Variants in TWF1 observed in about 807,000 individuals in gnomAD.
TWF1 encodes twinfilin-1.
TWF1 carries 14 observed loss-of-function variants against 47.9 expected under a neutral mutation model. The observed-to-expected ratio is 0.29, with a 90% CI of 0.19 to 0.46. TWF1 has a LOEUF of 0.46. TWF1 is among the 20% of genes least tolerant of loss of function. TWF1 has a pLI of 1.00. For missense variants in TWF1, 281 were observed against 409.3 expected, an observed-to-expected ratio of 0.69 and a Z score of 2.70; for synonymous variants, 96 against 139.2, an observed-to-expected ratio of 0.69 and a Z score of 2.18.
intron 2 of TWF1, among the ~76,000 whole-genome samples, chr12:43,803,700 A>G (rs892163459): frequency 3.3e-5 from 5 of 152,216 alleles, no homozygotes; most frequent in African/African-American, 1.2e-4. Context: ...ATATACATAT[A>G]TTCCTATTGA....
chr12:43,801,273 GA>G (rs1326506442), intron 3 of TWF1, among the ~76,000 whole-genome samples: 11 of 150,676 alleles, frequency 7.3e-5, no homozygotes, highest in Admixed American at 3.3e-4. Flanking sequence ...CACAAAGATG[GA>G]AAAAAAAATT....
chr12:43,803,694 A>G (rs7955112), intron 2 of TWF1, among the ~76,000 whole-genome samples: 62,816 of 151,904 alleles, frequency 0.41, 13,565 homozygotes, highest in East Asian at 0.59. Context: ...TTTACAATAT[A>G]CATATATTCC....
chr12:43,805,766 C>T, intron 1 of TWF1: 1 of 1,343,180 alleles, frequency 7.4e-7, no homozygotes, highest in African/African-American at 1.5e-5. Context: ...AAGATTCTGG[C>T]ATGGTTCTTT....
Position 43,794,179 on chromosome 12 carries a change from C to A in TWF1, c.*1406G>T, listed in dbSNP as rs974651256. 4 of 152,550 alleles carry A rather than the reference C, an allele frequency of 2.6e-5. No individual in the cohort carries two copies. Among genetic ancestry groups the A allele is most frequent in the African/African-American group, 9.7e-5 (4 of 41,426 alleles). 9.4% of individuals were successfully genotyped at this position (152,550 alleles called of 1,614,324 possible). A position where few individuals can be genotyped will look rare whatever the true frequency, so the allele number is the denominator to read the frequency against. On this transcript the variant is annotated 3_prime_UTR_variant, in exon 9 of 9. Transcript: ENST00000395510. ...TCTGTCTACGTGTACACCCATGGAA[C>A]AACTTATATCTTTAGTAAACAAGTG... is the stretch of plus-strand genomic sequence containing the variant.
intron 1 of TWF1, 88 bp from the exon 2 acceptor site, chr12:43,804,660 A>C: frequency 2.3e-6 from 2 of 884,300 alleles, no homozygotes; most frequent in Non-Finnish European, 3.5e-6. Context: ...TAGAATACAA[A>C]GAAAAAATCT....
In TWF1 at chr12:43,795,541, T is replaced by C; in HGVS notation, c.*44A>G. On this transcript the variant is annotated 3_prime_UTR_variant, in exon 9 of 9. Coordinates refer to ENST00000395510, the MANE Select transcript of TWF1 (RefSeq NM_002822.5). ...ATTTCAGTTCTCCTGTACTAAAAGC[T>C]GGACTTTTAAAAAACTAGTATTACA... 6.4e-7 allele frequency: 1 copy of C among 1,572,188 alleles called. No homozygotes were observed. The highest frequency in any genetic ancestry group is 1.1e-5 in the South Asian group (1 of 87,624).
chr12:43,805,202 T>G (rs1487897622), intron 1 of TWF1, among the ~76,000 whole-genome samples: 1 of 152,230 alleles, frequency 6.6e-6, no homozygotes, highest in African/African-American at 2.4e-5. Context: ...TGTTGTCTAT[T>G]AGCAGCAAGA....
chr12:43,800,368 A>C, intron 4 of TWF1, 67 bp downstream of exon 4: 1 of 1,145,712 alleles, frequency 8.7e-7, no homozygotes, highest in South Asian at 1.4e-5. Flanking sequence ...TCAATTACCC[A>C]TTACCTAGGA....
intron 5 of TWF1, 55 bp downstream of exon 5, chr12:43,799,343 A>C: frequency 1.7e-6 from 2 of 1,166,054 alleles, no homozygotes; most frequent in Non-Finnish European, 2.5e-6. Flanking sequence ...TTAATTAAAA[A>C]TACAGTATTT....
chr12:43,806,312 GA>G lies in TWF1; in HGVS notation c.-68del. ...CAGCGGCCCCGGCCGGCGGCCCCAG[GA>G]AGTGGCTGCTCCTCCGCCGGCCCCG... On this transcript the variant is annotated 5_prime_UTR_variant, in exon 1 of 9. Transcript: ENST00000395510. The G allele has an allele frequency of 1.4e-6, 2 of 1,412,682 alleles. No homozygotes were observed. Among genetic ancestry groups the G allele is most frequent in the Non-Finnish European group, 1.8e-6 (2 of 1,084,064 alleles). The allele number at this position is 1,412,682 out of a possible 1,614,324, so 87.5% of individuals were successfully genotyped here. A position where few individuals can be genotyped will look rare whatever the true frequency, so the allele number is the denominator to read the frequency against.
intron 3 of TWF1, 114 bp downstream of exon 3, chr12:43,802,165 CCTCATGA>C: frequency 3.4e-6 from 2 of 588,610 alleles, no homozygotes; most frequent in Non-Finnish European, 5.5e-6. Flanking sequence ...CAAGGATTTT[CCTCATGA>C]TCATTCCCTT....
chr12:43,796,162 T>C lies in TWF1; in HGVS notation c.883-407A>G, dbSNP rs1001097825. On this transcript the variant is annotated intron_variant, in intron 8 of 8. Transcript: ENST00000395510. ...AAATCTTGCCCAAGGTAAGATTGTT[T>C]TACATTTTTTAAGGGTTGTTAAACA... is the stretch of plus-strand genomic sequence containing the variant. Among the ~76,000 whole-genome samples, 8 of 152,298 alleles carry C rather than the reference T, an allele frequency of 5.3e-5. No homozygotes were observed. The East Asian group carries it at 1.5e-3, about 29-fold the overall frequency.
intron 1 of TWF1, 52 bp from the exon 2 acceptor site, chr12:43,804,624 T>C: frequency 7.9e-7 from 1 of 1,260,234 alleles, no homozygotes; most frequent in South Asian, 1.4e-5. Context: ...TATAAATACT[T>C]TCCTATCTAT....
chr12:43,804,252 A>G, intron 2 of TWF1: 2 of 507,298 alleles, frequency 3.9e-6, no homozygotes, highest in Non-Finnish European at 7.5e-6. Context: ...TGAGACACAA[A>G]AAGTAAAAGA....
At chr12:43,805,678 C>A (rs765019993) in intron 1 of TWF1, 50 of 761,284 alleles carry the variant, frequency 6.6e-5, no homozygotes, top group Non-Finnish European at 3.2e-5. Context: ...CTCGAGATTT[C>A]TCAGAACATA....
At position 43,797,025 on chromosome 12, in the gene TWF1, C is replaced by T. The variant is rs201203866; in HGVS notation, c.833G>A (p.Arg278His). 9.2e-5 allele frequency: 148 copies of T among 1,611,374 alleles called. No individual in the cohort carries two copies. The highest frequency in any genetic ancestry group is 3.1e-4 in the East Asian group (14 of 44,852). The stretch of plus-strand genomic sequence containing the variant: ...TTGTCTTTCTACAATTTCTAGCAGA[C>T]GGCTCTTGCAGCTAGAATACAGCAT... Reference protein sequence around the residue: ...ERMLYSSCKSRLLEIVERQLQ... With the variant: ...ERMLYSSCKSHLLEIVERQLQ... Residue 278 changes from arginine to histidine, a missense_variant, in exon 8 of 9, where the codon CGT (arginine) becomes CAT (histidine). Coordinates refer to ENST00000395510, the MANE Select transcript of TWF1 (RefSeq NM_002822.5).
rs934970361 is a variant in TWF1, at chr12:43,795,214, T to C, written c.*371A>G. ...CCTGGTCCTTAACATATTCATTAAG[T>C]AATATGAATATTTTAAGGTCTTTCT... On this transcript the variant is annotated 3_prime_UTR_variant, in exon 9 of 9. Coordinates refer to ENST00000395510, the MANE Select transcript of TWF1 (RefSeq NM_002822.5). 6.0e-6 allele frequency: 1 copy of C among 167,230 alleles called. No individual in the cohort carries two copies. Among genetic ancestry groups the C allele is most frequent in the Non-Finnish European group, 1.3e-5 (1 of 76,940 alleles). The allele number at this position is 167,230 out of a possible 1,614,324, so 10.4% of individuals were successfully genotyped here. A position where few individuals can be genotyped will look rare whatever the true frequency, so the allele number is the denominator to read the frequency against.
intron 1 of TWF1, chr12:43,805,927 C>A (rs758636280): frequency 3.3e-6 from 5 of 1,517,058 alleles, no homozygotes; most frequent in Non-Finnish European, 4.4e-6. Context: ...CTGTCGGGGA[C>A]GGTGGAAGGC....
Position 43,794,148 on chromosome 12 carries a change from T to G in TWF1, c.*1437A>C, listed in dbSNP as rs1445463676. ...TTCTTAATGCAATAATTTGGGTGTATGTGTGTCTGTCTACGTGTACACCCA... is the reference window on the plus strand; with the variant it reads ...TTCTTAATGCAATAATTTGGGTGTAGGTGTGTCTGTCTACGTGTACACCCA... On this transcript the variant is annotated 3_prime_UTR_variant, in exon 9 of 9. Transcript: ENST00000395510. The G allele has an allele frequency of 2.0e-5, 3 of 152,640 alleles. No individual in the cohort carries two copies. The East Asian group carries it at 5.8e-4, about 29-fold the overall frequency. 9.5% of individuals were successfully genotyped at this position (152,640 alleles called of 1,614,324 possible).
Sources: gnomAD v4.1 joint callset for allele counts (sites outside exome capture counted in the v4.1 genomes callset) on GRCh38, gnomAD v4.1.1 for gene constraint, MANE v1.5 for transcripts, NCBI Gene and HGNC (gene_info 2026-07-23, HGNC 2026-07-21) for gene names.